Variants in TGFBR2 observed in about 807,000 individuals in gnomAD.
TGFBR2 encodes the protein TGF-beta receptor type-2.
Under a neutral mutation model 49.0 loss-of-function variants are expected in TGFBR2, and 18 were observed. The ratio of observed to expected loss-of-function variants is 0.37; its 90% CI spans 0.25 to 0.54. The LOEUF (loss-of-function observed/expected upper bound fraction) is 0.54. TGFBR2 is among the 20% of genes least tolerant of loss of function. The pLI, the probability that TGFBR2 is intolerant of heterozygous loss-of-function variation, is 0.85. For missense variants in TGFBR2, 525 were observed against 722.6 expected, an observed-to-expected ratio of 0.73 and a Z score of 3.13; for synonymous variants, 282 against 275.9, an observed-to-expected ratio of 1.02 and a Z score of -0.22.
chr3:30,676,746 C>A lies in TGFBR2; in HGVS notation c.1396+2500C>A, dbSNP rs1699446123. Among the ~76,000 whole-genome samples the A allele has an allele frequency of 6.6e-6, 1 of 152,216 alleles. No homozygotes were observed. Among genetic ancestry groups the A allele is most frequent in the East Asian group, 1.9e-4 (1 of 5,198 alleles). ...CCGGGTCACCCCCTCCCATCCTGCA[C>A]CCTGCTGAACCTCACATGTTTTCCT... On this transcript the variant is annotated intron_variant, in intron 5 of 6. Coordinates refer to ENST00000295754, the MANE Select transcript of TGFBR2 (RefSeq NM_003242.6). This position sits in a 1 kb window ranked among gnomAD's most constrained non-coding sequence, Gnocchi z 4.3.
intron 2 of TGFBR2, among the ~76,000 whole-genome samples, chr3:30,649,384 A>G (rs1698837339): frequency 6.6e-6 from 1 of 152,156 alleles, no homozygotes; most frequent in Non-Finnish European, 1.5e-5. Context: ...GGCATTAATC[A>G]TGTTGTTTAA....
At chr3:30,613,630 G>C (rs376829942) in intron 1 of TGFBR2, among the ~76,000 whole-genome samples, 99 of 152,254 alleles carry the variant, frequency 6.5e-4, no homozygotes, top group Admixed American at 2.9e-3. Context: ...GAGCAGGCAG[G>C]GGGGAGGAAG....
rs1575125895 is a variant in TGFBR2 at position 30,606,916 on chromosome 3, G to A, written c.33G>A (p.Pro11=). The A allele has an allele frequency of 6.3e-7, 1 of 1,595,672 alleles. No homozygotes were observed. Among genetic ancestry groups the A allele is most frequent in the East Asian group, 2.3e-5 (1 of 43,900 alleles). The change falls in exon 1 of 7, where the codon CCG becomes CCA. Residue 11 remains proline, a synonymous_variant. Coordinates refer to ENST00000295754, the MANE Select transcript of TGFBR2 (RefSeq NM_003242.6). ...GGGGGCTGCTCAGGGGCCTGTGGCC[G>A]CTGCACATCGTCCTGTGGACGCGTA... MGRGLLRGLW[P]LHIVLWTRIA...
intron 3 of TGFBR2, among the ~76,000 whole-genome samples, chr3:30,651,826 A>G (rs960064729): frequency 2.6e-5 from 4 of 152,232 alleles, no homozygotes; most frequent in African/African-American, 9.6e-5. Context: ...ACCTTCTCCA[A>G]CACTGGGAAT....
rs2125439320 is a variant in TGFBR2, at chr3:30,674,219, A to G, written c.1369A>G (p.Met457Val). ...CTCCATGGCTCTGGTGCTCTGGGAA[A>G]TGACATCTCGCTGTAATGCAGTGGG... The part of the protein sequence containing the change: ...VYSMALVLWE[M>V]TSRCNAVGEV... Residue 457 changes from methionine (M) to valine (V), a missense_variant, in exon 5 of 7, where the codon ATG (methionine) becomes GTG (valine). Physicochemically the swap from Met to Val is conservative, Grantham distance 21. Around this residue, in one of 3 missense-constraint regions of TGFBR2, gnomAD observed 45 missense variants for 111.0 expected, o/e 0.41. Transcript: ENST00000295754. 6.2e-7 allele frequency: 1 copy of G among 1,614,176 alleles called. No homozygotes were observed. The highest frequency in any genetic ancestry group is 8.5e-7 in the Non-Finnish European group (1 of 1,180,016).
intron 3 of TGFBR2, among the ~76,000 whole-genome samples, chr3:30,657,668 C>G (rs530037809): frequency 3.5e-4 from 54 of 152,324 alleles, no homozygotes; most frequent in African/African-American, 9.4e-4. Flanking sequence ...ATAGTTATTA[C>G]TGTTCCACTA....
rs1405127060 is a variant in TGFBR2, at chr3:30,691,768, G to A, written c.*169G>A. 1.4e-5 allele frequency: 10 copies of A among 698,878 alleles called. No homozygotes were observed. The East Asian group carries it at 2.2e-4, about 15-fold the overall frequency. 43.3% of individuals were successfully genotyped at this position (698,878 alleles called of 1,614,324 possible). Reference sequence around the variant, plus strand: ...GAAACAACAGCAGCAGGGAGTGGGTGACATAGAGCATTCTATGCCTTTGAC... The same window carrying A: ...GAAACAACAGCAGCAGGGAGTGGGTAACATAGAGCATTCTATGCCTTTGAC... On this transcript the variant is annotated 3_prime_UTR_variant, in exon 7 of 7. Transcript: ENST00000295754.
At chr3:30,673,595 A>T (rs986391022) in intron 4 of TGFBR2, among the ~76,000 whole-genome samples, 3 of 152,238 alleles carry the variant, frequency 2.0e-5, no homozygotes, top group Non-Finnish European at 4.4e-5. Context: ...TAGAGATGTT[A>T]TGCAATTGTA....
intron 1 of TGFBR2, among the ~76,000 whole-genome samples, chr3:30,627,339 G>C (rs1467598737): frequency 1.3e-5 from 2 of 152,040 alleles, no homozygotes; most frequent in Non-Finnish European, 1.5e-5. Context: ...CCATCGTTTG[G>C]AATTCTGAAG....
At chr3:30,610,214 G>C (rs975670349) in intron 1 of TGFBR2, among the ~76,000 whole-genome samples, 1 of 152,158 alleles carries the variant, frequency 6.6e-6, no homozygotes, top group Non-Finnish European at 1.5e-5. Context: ...GAATTTAACA[G>C]CTGGGAGCAT....
chr3:30,613,657 G>C (rs1187463006), intron 1 of TGFBR2, among the ~76,000 whole-genome samples: 1 of 152,100 alleles, frequency 6.6e-6, no homozygotes. Flanking sequence ...TGATTACCAG[G>C]GCTCAGGATG....
chr3:30,645,322 G>A (rs887844261), intron 2 of TGFBR2, among the ~76,000 whole-genome samples: 1 of 152,118 alleles, frequency 6.6e-6, no homozygotes, highest in African/African-American at 2.4e-5. Context: ...GGAAGAAGAG[G>A]TGATGAAAGG....
chr3:30,653,596 A>C (rs537521663), intron 3 of TGFBR2, among the ~76,000 whole-genome samples: 1 of 152,184 alleles, frequency 6.6e-6, no homozygotes, highest in Non-Finnish European at 1.5e-5. Context: ...CAAGTCCAAC[A>C]AGGTGGTGAA....
At chr3:30,625,998 T>A (rs551783758) in intron 1 of TGFBR2, among the ~76,000 whole-genome samples, 1 of 152,214 alleles carries the variant, frequency 6.6e-6, no homozygotes, top group South Asian at 2.1e-4. Flanking sequence ...TAGGATCACC[T>A]GCGAACTTCT....
intron 5 of TGFBR2, among the ~76,000 whole-genome samples, chr3:30,675,871 G>A (rs895665975): frequency 2.0e-5 from 3 of 152,066 alleles, no homozygotes; most frequent in African/African-American, 7.2e-5. Context: ...ATCCATATAC[G>A]TATTTGTACT....
At chr3:30,611,426 A>G (rs1049414011) in intron 1 of TGFBR2, among the ~76,000 whole-genome samples, 2 of 152,220 alleles carry the variant, frequency 1.3e-5, no homozygotes, top group African/African-American at 4.8e-5. Context: ...ATATGGAAAA[A>G]GATGTTTCAA....
chr3:30,672,234 G>A lies in TGFBR2; in HGVS notation c.1051G>A (p.Gly351Ser), dbSNP rs1553630221. The A allele has an allele frequency of 6.2e-7, 1 of 1,607,664 alleles. No homozygotes were observed. The highest frequency in any genetic ancestry group is 8.5e-7 in the Non-Finnish European group (1 of 1,175,284). ...VISWEDLRKL[G>S]SSLARGIAHL... The stretch of plus-strand genomic sequence containing the variant: ...CAGCTGGGAGGACCTGCGCAAGCTG[G>A]GCAGCTCCCTCGCCCGGGGGATTGC... The change falls in exon 4 of 7, where the codon GGC (glycine) becomes AGC (serine). Residue 351 changes from glycine to serine, a missense_variant. By Grantham distance (56) the Gly-to-Ser change is moderately conservative (BLOSUM62 0). Transcript: ENST00000295754. The surrounding 1 kb of genome is among the most constrained non-coding windows in gnomAD (Gnocchi z 4.5).
At chr3:30,680,726 T>G (rs9310940) in intron 5 of TGFBR2, among the ~76,000 whole-genome samples, 79,694 of 151,966 alleles carry the variant, frequency 0.52, 21,157 homozygotes, top group Admixed American at 0.66. Flanking sequence ...TCAGAATTGT[T>G]TGAAGTAAGA....
intron 1 of TGFBR2, among the ~76,000 whole-genome samples, chr3:30,622,663 C>T (rs1021001733): frequency 1.4e-4 from 22 of 151,818 alleles, no homozygotes; most frequent in African/African-American, 5.1e-4. Flanking sequence ...AGGCGGATCA[C>T]GAGGTCAGGA....
Sources: allele counts gnomAD v4.1 joint callset (sites outside exome capture counted in the v4.1 genomes callset), GRCh38; gene constraint gnomAD v4.1.1; regional missense constraint gnomAD v4.1.1; non-coding constraint Gnocchi (gnomAD v3.1); transcripts MANE v1.5; gene names NCBI Gene and HGNC (gene_info 2026-07-23, HGNC 2026-07-21).